KRT8: variants seen among roughly 807,000 people sequenced by gnomAD.
The protein encoded by KRT8 is keratin, type II cytoskeletal 8.
KRT8 carries 24 observed loss-of-function variants against 43.0 expected under a neutral mutation model. The ratio of observed to expected loss-of-function variants is 0.56; its 90% CI spans 0.40 to 0.78. The LOEUF (loss-of-function observed/expected upper bound fraction) is 0.78. Among genes scored for constraint, KRT8 ranks in the 30% least tolerant of loss-of-function variants. KRT8 has a pLI of 0.00. For synonymous variants in KRT8, 214 were observed against 261.2 expected (o/e 0.82, Z 1.74); for missense variants, 492 against 638.4 (o/e 0.77, Z 2.47).
intron 2 of KRT8, among the ~76,000 whole-genome samples, chr12:52,941,313 G>T (rs1426818600): frequency 6.6e-6 from 1 of 151,870 alleles, no homozygotes; most frequent in Non-Finnish European, 1.5e-5. Flanking sequence ...AAAGCTTAAG[G>T]TTTCCTTGAA....
intron 2 of KRT8, among the ~76,000 whole-genome samples, chr12:52,918,415 C>T (rs1433848698): frequency 6.6e-6 from 1 of 152,084 alleles, no homozygotes; most frequent in Non-Finnish European, 1.5e-5. Flanking sequence ...TCATAAAGAT[C>T]CCACCAGGCC....
At chr12:52,902,329 T>C in intron 1 of KRT8, 1 of 515,238 alleles carries the variant, frequency 1.9e-6, no homozygotes, top group Non-Finnish European at 3.5e-6. Flanking sequence ...AAAGCTGCAT[T>C]TGCAAACCAA....
At chr12:52,904,249 G>A (rs1225180975) in intron 1 of KRT8, among the ~76,000 whole-genome samples, 1 of 152,190 alleles carries the variant, frequency 6.6e-6, no homozygotes, top group Non-Finnish European at 1.5e-5. Context: ...CTGCCGCAGG[G>A]CGATAGCTTA....
At chr12:52,929,608 C>T (rs146846188) in intron 2 of KRT8, among the ~76,000 whole-genome samples, 254 of 152,220 alleles carry the variant, frequency 1.7e-3, no homozygotes, top group African/African-American at 5.7e-3. Context: ...ATCTATTCAC[C>T]ACTTACACCT....
upstream of KRT8, among the ~76,000 whole-genome samples, chr12:52,908,427 G>A (rs1019359935): frequency 3.9e-5 from 6 of 152,176 alleles, no homozygotes; most frequent in African/African-American, 7.2e-5. Context: ...ACCAAATGAC[G>A]AATGGATTTC....
chr12:52,933,486 A>G (rs1274325883), intron 2 of KRT8, among the ~76,000 whole-genome samples: 1 of 152,200 alleles, frequency 6.6e-6, no homozygotes, highest in Non-Finnish European at 1.5e-5. Flanking sequence ...ATGCTAACTC[A>G]CTTGGAATTG....
rs759840994 is a variant in KRT8 at position 52,949,684 on chromosome 12, C to T, written c.-177+31G>A. On this transcript the variant is annotated intron_variant, in intron 1 of 6. Transcript: ENST00000546826. ...TTCCGTCATTCCATAACCACCCAAC[C>T]CCTACTCCACCGGGAGGGGGTTGGG... The T allele has an allele frequency of 4.5e-6, 5 of 1,109,986 alleles. No homozygotes were observed. In the East Asian group the frequency reaches 1.2e-4, roughly 27 times the overall value. 68.8% of individuals were successfully genotyped at this position (1,109,986 alleles called of 1,614,324 possible).
At position 52,899,801 on chromosome 12, in the gene KRT8, C is replaced by G. The variant is rs58912304; in HGVS notation, c.955G>C (p.Ala319Pro). The G allele has an allele frequency of 1.9e-6, 3 of 1,612,016 alleles. No homozygotes were observed. The African/African-American group carries it at 4.0e-5, about 22-fold the overall frequency. ...TGGCCTTTGAGGCCCTCAATCTCAGCCTGGAGCCGGCTGATGTTCCGGTTC... is the reference window on the plus strand; with the variant it reads ...TGGCCTTTGAGGCCCTCAATCTCAGGCTGGAGCCGGCTGATGTTCCGGTTC... The change falls in exon 5 of 8, where the codon GCT becomes CCT. Residue 319 changes from alanine (A) to proline (P), a missense_variant. This residue lies in a region of KRT8 where 389 missense variants were observed against 485.7 expected (regional missense o/e 0.80). Transcript: ENST00000692008.
chr12:52,900,070 G>A lies in KRT8; in HGVS notation c.691-5C>T. On this transcript the variant is annotated splice_region_variant and splice_polypyrimidine_tract_variant and intron_variant, in intron 4 of 7. Transcript: ENST00000692008. ...GGACTGCAGCTCCCGGATCTCCTGT[G>A]GGGGAAGAGGGCAAGTGGTGAGGCC... 6.2e-7 allele frequency: 1 copy of A among 1,612,084 alleles called. No individual in the cohort carries two copies. Among genetic ancestry groups the A allele is most frequent in the Non-Finnish European group, 8.5e-7 (1 of 1,179,934 alleles).
At position 52,949,123 on chromosome 12, in the gene KRT8, C is replaced by T. The variant is rs372353986; in HGVS notation, c.-47+333G>A. Reference sequence around the variant, plus strand: ...GGGTCGCGCGGCTCGCGCAGGCCGCCACCGTCGTCCGCAAAGCCTGAGTCC... The same window carrying T: ...GGGTCGCGCGGCTCGCGCAGGCCGCTACCGTCGTCCGCAAAGCCTGAGTCC... On this transcript the variant is annotated intron_variant, in intron 2 of 6. Transcript: ENST00000546826. The T allele has an allele frequency of 4.2e-5, 57 of 1,359,276 alleles. No homozygotes were observed. The African/African-American group carries it at 1.0e-3, about 24-fold the overall frequency. The allele number at this position is 1,359,276 out of a possible 1,614,324, so 84.2% of individuals were successfully genotyped here.
chr12:52,932,987 A>G lies in KRT8; in HGVS notation c.-47+16469T>C, dbSNP rs1199886576. Among the ~76,000 whole-genome samples, 4 of 152,212 alleles carry G rather than the reference A, an allele frequency of 2.6e-5. No homozygotes were observed. In the East Asian group the frequency reaches 7.7e-4, roughly 29 times the overall value. Reference sequence around the variant, plus strand: ...GAGATGAAGTCTTGCCCTGTCACCCAGGCTGGAGTGCAGTGGCGCGATCTC... The same window carrying G: ...GAGATGAAGTCTTGCCCTGTCACCCGGGCTGGAGTGCAGTGGCGCGATCTC... On this transcript the variant is annotated intron_variant, in intron 2 of 6. Coordinates refer to the KRT8 transcript ENST00000546826.
chr12:52,904,563 G>A, intron 1 of KRT8, 95 bp downstream of exon 1: 1 of 1,202,024 alleles, frequency 8.3e-7, no homozygotes, highest in Non-Finnish European at 1.2e-6. Context: ...AGGCCCAGCA[G>A]GACGCCAGCT....
intron 1 of KRT8, 119 bp downstream of exon 1, chr12:52,904,539 C>T: frequency 1.1e-6 from 1 of 943,680 alleles, no homozygotes; most frequent in Non-Finnish European, 1.7e-6. Flanking sequence ...GGGAGAGTGT[C>T]GCCAGGGCGG....
At chr12:52,942,133 A>G (rs114298742) in intron 2 of KRT8, among the ~76,000 whole-genome samples, 9,198 of 152,160 alleles carry the variant, frequency 0.06, 900 homozygotes, top group African/African-American at 0.21. Flanking sequence ...CTATTGGTGG[A>G]AGTGAACTAA....
intron 2 of KRT8, chr12:52,949,153 C>G (rs774095001): frequency 7.7e-6 from 12 of 1,566,982 alleles, no homozygotes; most frequent in Non-Finnish European, 1.1e-5. Context: ...GAGTCCTGTC[C>G]TTTCTCTCTC....
At chr12:52,940,215 C>T (rs1267118323) in intron 2 of KRT8, among the ~76,000 whole-genome samples, 2 of 151,914 alleles carry the variant, frequency 1.3e-5, no homozygotes, top group East Asian at 3.9e-4. Flanking sequence ...GATGGATTAC[C>T]AAGCTCAGGT....
chr12:52,940,117 G>A (rs1942241732), intron 2 of KRT8, among the ~76,000 whole-genome samples: 1 of 151,702 alleles, frequency 6.6e-6, no homozygotes, highest in Non-Finnish European at 1.5e-5. Flanking sequence ...ATCATGTTAA[G>A]TGAAAGACGC....
intron 2 of KRT8, among the ~76,000 whole-genome samples, chr12:52,914,182 T>C (rs913483982): frequency 7.3e-5 from 11 of 151,080 alleles, no homozygotes; most frequent in Non-Finnish European, 1.5e-4. Context: ...AAGACTGCCC[T>C]ATTGCACTCC....
chr12:52,907,983 T>C (rs986463349), upstream of KRT8, among the ~76,000 whole-genome samples: 10 of 152,168 alleles, frequency 6.6e-5, no homozygotes, highest in Non-Finnish European at 1.2e-4. Context: ...GTGTTTGCGG[T>C]GCCTGCCCTA....
Sources: allele counts gnomAD v4.1 joint callset (sites outside exome capture counted in the v4.1 genomes callset), GRCh38; gene constraint gnomAD v4.1.1; regional missense constraint gnomAD v4.1.1; transcripts MANE v1.5; gene names NCBI Gene and HGNC (gene_info 2026-07-23, HGNC 2026-07-21).